Variants in RNF31 observed in about 807,000 individuals in gnomAD.
RNF31 encodes the protein ring finger protein 31.
Under a neutral mutation model 133.6 loss-of-function variants are expected in RNF31, and 38 were observed. The ratio of observed to expected loss-of-function variants is 0.28; its 90% confidence interval spans 0.22 to 0.37. The LOEUF is 0.37. RNF31 is among the 10% of genes least tolerant of loss of function. The probability of loss-of-function intolerance (pLI) is 1.00; values close to 1 mark genes in which losing one functional copy is unlikely to be tolerated. For missense variants in RNF31, 1,118 were observed against 1,394.1 expected (o/e 0.80, Z 3.15); for synonymous variants, 582 against 552.3 (o/e 1.05, Z -0.75).
chr14:24,159,695 T>A (rs1447007534), intron 18 of RNF31, 169 bp from the exon 19 acceptor site: 1 of 586,920 alleles, frequency 1.7e-6, no homozygotes, highest in Non-Finnish European at 3.1e-6. Context: ...TCAGATGGTC[T>A]GCCGTTGACG....
rs1467052685 is a variant in RNF31 at position 24,155,524 on chromosome 14, G to A, written c.2403+12G>A. 1.9e-6 allele frequency: 3 copies of A among 1,613,900 alleles called. No homozygotes were observed. The African/African-American group carries it at 4.0e-5, about 22-fold the overall frequency. The stretch of plus-strand genomic sequence containing the variant: ...TGTGGTGTGCCCAGGTAAGTGGCCT[G>A]CCCAGGGCAGCTACTGTGGAGGGGC... On this transcript the variant is annotated intron_variant, in intron 13 of 20. Coordinates refer to ENST00000324103, the MANE Select transcript of RNF31 (RefSeq NM_017999.5). This position sits in a 1 kb window ranked among gnomAD's most constrained non-coding sequence, Gnocchi z 4.9.
At position 24,151,040 on chromosome 14, in the gene RNF31, C is replaced by T; in HGVS notation, c.1489-91C>T. The T allele has an allele frequency of 1.3e-6, 2 of 1,565,604 alleles. No homozygotes were observed. The highest frequency in any genetic ancestry group is 2.4e-5 in the South Asian group (2 of 84,526). On this transcript the variant is annotated intron_variant, in intron 8 of 20. Coordinates refer to ENST00000324103, the MANE Select transcript of RNF31 (RefSeq NM_017999.5). The surrounding 1 kb of genome is among the most constrained non-coding windows in gnomAD (Gnocchi z 5.3). ...ATTGCTGTACACTGATGACATGATC[C>T]ATATGTCTGAGCTGAGCCACTGTCA... is the stretch of plus-strand genomic sequence containing the variant.
chr14:24,148,362 A>G lies in RNF31; in HGVS notation c.444A>G (p.Thr148=), dbSNP rs1166802463. ...QEEPDEHQVA[T]VTLEVLLLRT... The stretch of plus-strand genomic sequence containing the variant: ...AGCCAGATGAGCACCAGGTTGCTAC[A>G]GTCACACTGGAAGTACTGCTGCTTC... The change falls in exon 3 of 21, where the codon ACA becomes ACG. Residue 148 remains threonine (T), a synonymous_variant. Coordinates refer to ENST00000324103, the MANE Select transcript of RNF31 (RefSeq NM_017999.5). 6.2e-7 allele frequency: 1 copy of G among 1,614,214 alleles called. No homozygotes were observed. The highest frequency in any genetic ancestry group is 8.5e-7 in the Non-Finnish European group (1 of 1,180,008).
Position 24,148,651 on chromosome 14 carries a change from C to T in RNF31, c.505C>T (p.Pro169Ser). The T allele has an allele frequency of 6.2e-7, 1 of 1,614,124 alleles. No homozygotes were observed. The highest frequency in any genetic ancestry group is 8.5e-7 in the Non-Finnish European group (1 of 1,180,022). The change falls in exon 4 of 21, where the codon CCA becomes TCA. Residue 169 changes from proline to serine, a missense_variant. Coordinates refer to ENST00000324103, the MANE Select transcript of RNF31 (RefSeq NM_017999.5). ...ELSLLLQNTHPRQQALEQLLE... is the reference protein window; with the variant it reads ...ELSLLLQNTHSRQQALEQLLE... The stretch of plus-strand genomic sequence containing the variant: ...ATCTGTATTATTGCAGAATACTCAT[C>T]CAAGACAGCAGGCACTGGAGCAGCT...
intron 18 of RNF31, among the ~76,000 whole-genome samples, chr14:24,159,312 A>G (rs148156147): frequency 8.6e-4 from 123 of 143,530 alleles, no homozygotes; most frequent in African/African-American, 3.1e-3. Context: ...GCGCCATTGC[A>G]CTCCAGTCCA....
chr14:24,160,483 G>A lies in RNF31; in HGVS notation c.3166-37G>A. 1 of 1,570,832 alleles carries A rather than the reference G, an allele frequency of 6.4e-7. No homozygotes were observed. The highest frequency in any genetic ancestry group is 1.7e-4 in the Middle Eastern group (1 of 5,866). On this transcript the variant is annotated intron_variant, in intron 20 of 20. Coordinates refer to ENST00000324103, the MANE Select transcript of RNF31 (RefSeq NM_017999.5). This position sits in a 1 kb window ranked among gnomAD's most constrained non-coding sequence, Gnocchi z 4.0. The stretch of plus-strand genomic sequence containing the variant: ...TGGTGCTGACTGTGTCTGAGCTCCA[G>A]GCTTCCAATATCATTACCTTCTCTC...
intron 6 of RNF31, 139 bp downstream of exon 6, chr14:24,149,722 A>G: frequency 1.1e-6 from 1 of 890,666 alleles, no homozygotes; most frequent in Non-Finnish European, 1.7e-6. Context: ...AAGAGATAAT[A>G]GACATACACA....
At position 24,157,788 on chromosome 14, in the gene RNF31, C is replaced by T. The variant is rs79362115; in HGVS notation, c.2728-110C>T. 3,532 of 1,105,322 alleles carry T rather than the reference C, an allele frequency of 3.2e-3. 85 individuals are homozygous for T. The African/African-American group carries it at 0.049, about 15-fold the overall frequency. 68.5% of individuals were successfully genotyped at this position (1,105,322 alleles called of 1,614,324 possible). ...CTGTCCCCTTACCCTTTGCTTGCTCCTCCAATGTCTCCATCTCCCCTCACC... is the reference window on the plus strand; with the variant it reads ...CTGTCCCCTTACCCTTTGCTTGCTCTTCCAATGTCTCCATCTCCCCTCACC... On this transcript the variant is annotated intron_variant, in intron 16 of 20. Transcript: ENST00000324103.
intron 6 of RNF31, 112 bp downstream of exon 6, chr14:24,149,695 G>A: frequency 1.8e-6 from 2 of 1,092,996 alleles, no homozygotes; most frequent in Non-Finnish European, 2.6e-6. Flanking sequence ...AGGACAAGTA[G>A]CCAGTCAGAA....
Position 24,151,753 on chromosome 14 carries a change from G to A in RNF31, c.1924-33G>A. ...GGGGAAGGGTCCCTGGAGTCTGACA[G>A]CACTTCCCCCCTCCACCTGAATCAT... On this transcript the variant is annotated intron_variant, in intron 10 of 20. Coordinates refer to ENST00000324103, the MANE Select transcript of RNF31 (RefSeq NM_017999.5). The surrounding 1 kb of genome is among the most constrained non-coding windows in gnomAD (Gnocchi z 5.3). 6.2e-7 allele frequency: 1 copy of A among 1,600,018 alleles called. No individual in the cohort carries two copies. Among genetic ancestry groups the A allele is most frequent in the Non-Finnish European group, 8.5e-7 (1 of 1,172,198 alleles).
chr14:24,152,461 C>A (rs1244457758), intron 11 of RNF31, among the ~76,000 whole-genome samples: 1 of 152,018 alleles, frequency 6.6e-6, no homozygotes, highest in Non-Finnish European at 1.5e-5. Context: ...TTCACCCTTG[C>A]CCCCAGGCTG....
rs751533619 is a variant in RNF31 at position 24,151,347 on chromosome 14, G to A, written c.1705G>A (p.Val569Met). ...TCGTCATGGCAACCTTGATGAAGCT[G>A]TGGAGGAGTGTGTGAGGACCAGGCG... ...LDRHGNLDEA[V>M]EECVRTRRRK... Residue 569 changes from valine to methionine, a missense_variant, in exon 9 of 21, where the codon GTG becomes ATG. Transcript: ENST00000324103. The surrounding 1 kb of genome is among the most constrained non-coding windows in gnomAD (Gnocchi z 5.3). 14 of 1,614,132 alleles carry A rather than the reference G, an allele frequency of 8.7e-6. No individual in the cohort carries two copies. The highest frequency in any genetic ancestry group is 1.6e-4 in the Middle Eastern group (1 of 6,084).
At position 24,148,151 on chromosome 14, in the gene RNF31, G is replaced by A. The variant is rs746967527; in HGVS notation, c.339+29G>A. The A allele has an allele frequency of 4.3e-6, 7 of 1,613,690 alleles. No individual in the cohort carries two copies. The East Asian group carries it at 1.1e-4, about 26-fold the overall frequency. ...AATCCCCTGGCCTTATGGGAGAGGG[G>A]GCTGGGGTTTGGCTAGAAAAGGCCT... On this transcript the variant is annotated intron_variant, in intron 2 of 20. Coordinates refer to ENST00000324103, the MANE Select transcript of RNF31 (RefSeq NM_017999.5).
In RNF31 at chr14:24,159,872, C is replaced by A; in HGVS notation, c.2908C>A (p.Arg970=). The A allele has an allele frequency of 1.2e-6, 2 of 1,613,874 alleles. No homozygotes were observed. Among genetic ancestry groups the A allele is most frequent in the South Asian group, 2.2e-5 (2 of 91,048 alleles). The change falls in exon 19 of 21, where the codon CGA becomes AGA. Residue 970 remains arginine, a synonymous_variant. Transcript: ENST00000324103. ...GARAVPGGGC[R]VIEQKEVPNG... The stretch of plus-strand genomic sequence containing the variant: ...TCTTCCCTCACCTTTAGGCGGCTGC[C>A]GAGTGATAGAGCAGAAGGAGGTTCC...
intron 6 of RNF31, 53 bp downstream of exon 6, chr14:24,149,636 C>A: frequency 6.5e-7 from 1 of 1,546,100 alleles, no homozygotes; most frequent in Non-Finnish European, 8.8e-7. Flanking sequence ...CTTAAGATCA[C>A]TTGATTATGG....
intron 18 of RNF31, among the ~76,000 whole-genome samples, chr14:24,159,008 G>T (rs1207298606): frequency 2.3e-5 from 3 of 130,316 alleles, no homozygotes; most frequent in Non-Finnish European, 4.6e-5. Context: ...ACTCCAGCCT[G>T]GGCAACAGAG....
Position 24,160,240 on chromosome 14 carries a change from G to A in RNF31, c.2998G>A (p.Ala1000Thr). ...TPAGYAGLCQ[A>T]HYKEYLVSLI... Reference sequence around the variant, plus strand: ...TATTCTGCTCCCTTTTCTCCCCAGGGCACACTACAAAGAGTATCTTGTGAG... The same window carrying A: ...TATTCTGCTCCCTTTTCTCCCCAGGACACACTACAAAGAGTATCTTGTGAG... The change falls in exon 20 of 21, where the codon GCA (alanine) becomes ACA (threonine). Residue 1000 changes from alanine (A) to threonine (T), a missense_variant and splice_region_variant. Coordinates refer to ENST00000324103, the MANE Select transcript of RNF31 (RefSeq NM_017999.5). The surrounding 1 kb of genome is among the most constrained non-coding windows in gnomAD (Gnocchi z 4.0). 1.2e-6 allele frequency: 2 copies of A among 1,611,384 alleles called. No individual in the cohort carries two copies. The highest frequency in any genetic ancestry group is 1.7e-6 in the Non-Finnish European group (2 of 1,178,804).
At chr14:24,153,795 T>C (rs1047835709) in intron 11 of RNF31, among the ~76,000 whole-genome samples, 2 of 151,348 alleles carry the variant, frequency 1.3e-5, no homozygotes, top group Non-Finnish European at 2.9e-5. Flanking sequence ...TCCCAGCTAC[T>C]TGGGAGGCTG....
rs533445740 is a variant in RNF31 at position 24,155,848 on chromosome 14, A to G, written c.2493+156A>G. ...TCAGAAAGACTAGGCACAAGGAGAA[A>G]GGGAAGCAGAGGGAGGGAGGAAATC... On this transcript the variant is annotated intron_variant, in intron 14 of 20. Coordinates refer to ENST00000324103, the MANE Select transcript of RNF31 (RefSeq NM_017999.5). This position sits in a 1 kb window ranked among gnomAD's most constrained non-coding sequence, Gnocchi z 4.9. 3.9e-5 allele frequency among the ~76,000 whole-genome samples: 6 copies of G among 152,306 alleles called. No individual in the cohort carries two copies. The highest frequency in any genetic ancestry group is 1.4e-4 in the African/African-American group (6 of 41,552).
Sources: gnomAD v4.1 joint callset for allele counts (sites outside exome capture counted in the v4.1 genomes callset) on GRCh38, gnomAD v4.1.1 for gene constraint, Gnocchi (gnomAD v3.1) non-coding constraint, MANE v1.5 for transcripts, NCBI Gene and HGNC (gene_info 2026-07-23, HGNC 2026-07-21) for gene names.